TENM4: variants seen among roughly 807,000 people sequenced by gnomAD.
TENM4 encodes the protein teneurin-4.
In TENM4, 82 loss-of-function variants were observed where a neutral mutation model predicts 243.3. The ratio of observed to expected loss-of-function variants is 0.34; its 90% confidence interval spans 0.28 to 0.40. The LOEUF is 0.40. Among genes scored for constraint, TENM4 ranks in the 10% least tolerant of loss-of-function variants. TENM4 has a pLI of 1.00. For synonymous variants in TENM4, 1,412 were observed against 1,456.3 expected (o/e 0.97, Z 0.69); for missense variants, 3,138 against 3,673.3 (o/e 0.85, Z 3.77).
At chr11:79,284,106 T>G (rs926627479) in intron 2 of TENM4, among the ~76,000 whole-genome samples, 1 of 152,228 alleles carries the variant, frequency 6.6e-6, no homozygotes, top group African/African-American at 2.4e-5. Context: ...GGAGATTTAA[T>G]ATTGTTTGGA....
rs1451285954 is a variant in TENM4, at chr11:79,370,802, AAAAAAAAG to A, written c.-321+69699_-321+69706del. Reference sequence around the variant, plus strand: ...GGTAAAAAAAAAAAAAAAAAAAAAAAAAAAAAAGTGATAAATTTGGTAATCCCAGAATT... The same window carrying A: ...GGTAAAAAAAAAAAAAAAAAAAAAAATGATAAATTTGGTAATCCCAGAATT... On this transcript the variant is annotated intron_variant, in intron 1 of 33. Transcript: ENST00000278550. Among the ~76,000 whole-genome samples, 1,321 of 148,462 alleles carry A rather than the reference AAAAAAAAG, an allele frequency of 8.9e-3. 24 individuals are homozygous for A. Among genetic ancestry groups the A allele is most frequent in the African/African-American group, 0.031 (1,233 of 39,814 alleles).
chr11:79,377,210 T>C (rs1226243283), intron 1 of TENM4, among the ~76,000 whole-genome samples: 1 of 152,222 alleles, frequency 6.6e-6, no homozygotes, highest in Non-Finnish European at 1.5e-5. Context: ...AGCACAGCCC[T>C]GTTGAAAGCT....
At chr11:79,311,082 C>A (rs1436407967) in intron 1 of TENM4, among the ~76,000 whole-genome samples, 1 of 152,164 alleles carries the variant, frequency 6.6e-6, no homozygotes, top group Admixed American at 6.5e-5. Flanking sequence ...CAAGATGGGA[C>A]AAGACGGGTC....
At position 78,732,220 on chromosome 11, in the gene TENM4, A is replaced by G; in HGVS notation, c.3138+96T>C. On this transcript the variant is annotated intron_variant, in intron 21 of 33. Transcript: ENST00000278550. ...TGATGGGACCTGACCCAAGCCCTAC[A>G]GAGGTGTTTTTTCTCTTTCCACTGT... 2.0e-6 allele frequency: 3 copies of G among 1,489,732 alleles called. No homozygotes were observed. The South Asian group carries it at 4.2e-5, about 21-fold the overall frequency. 92.3% of individuals were successfully genotyped at this position (1,489,732 alleles called of 1,614,324 possible).
intron 6 of TENM4, among the ~76,000 whole-genome samples, chr11:79,015,936 A>G (rs1858763343): frequency 6.6e-6 from 1 of 152,160 alleles, no homozygotes; most frequent in Non-Finnish European, 1.5e-5. Flanking sequence ...GGACCTAAAG[A>G]TGTCAAAAGT....
chr11:79,164,078 C>A (rs1425958129), intron 3 of TENM4, among the ~76,000 whole-genome samples: 2 of 28,616 alleles, frequency 7.0e-5, no homozygotes, highest in East Asian at 1.9e-3. Flanking sequence ...TATATATACA[C>A]TATATATACT....
At chr11:79,192,032 G>A (rs1863516008) in intron 3 of TENM4, among the ~76,000 whole-genome samples, 1 of 149,440 alleles carries the variant, frequency 6.7e-6, no homozygotes, top group African/African-American at 2.5e-5. Context: ...GAAGTGAGGA[G>A]CCCCTCTGCC....
rs1008374340 is a variant in TENM4 at position 79,069,993 on chromosome 11, A to C, written c.-49T>G. 2 of 1,529,814 alleles carry C rather than the reference A, an allele frequency of 1.3e-6. No homozygotes were observed. The highest frequency in any genetic ancestry group is 2.3e-4 in the Middle Eastern group (1 of 4,342). The allele number at this position is 1,529,814 out of a possible 1,614,324, so 94.8% of individuals were successfully genotyped here. A position where few individuals can be genotyped will look rare whatever the true frequency, so the allele number is the denominator to read the frequency against. The stretch of plus-strand genomic sequence containing the variant: ...CATCCACAAACAGGGTCCTCGCCGC[A>C]CTCAGGGCCGAGTGGTCTAGAGCCA... On this transcript the variant is annotated 5_prime_UTR_variant, in exon 5 of 34. Transcript: ENST00000278550.
At chr11:78,879,727 G>A (rs187068201) in intron 9 of TENM4, among the ~76,000 whole-genome samples, 209 of 148,918 alleles carry the variant, frequency 1.4e-3, no homozygotes, top group African/African-American at 5.0e-3. Context: ...GCCTCTGCAC[G>A]GCCGCCACCC....
intron 4 of TENM4, among the ~76,000 whole-genome samples, chr11:79,120,131 T>A (rs1383805520): frequency 3.3e-5 from 5 of 151,952 alleles, no homozygotes; most frequent in African/African-American, 1.2e-4. Flanking sequence ...GGCATGGGAG[T>A]AGAAGAGGGA....
At chr11:78,961,782 AC>A (rs1429589915) in intron 6 of TENM4, among the ~76,000 whole-genome samples, 1 of 132,432 alleles carries the variant, frequency 7.6e-6, no homozygotes, top group Non-Finnish European at 1.6e-5. Flanking sequence ...CTATGTCTTA[AC>A]CTTTTTTTTT....
Position 79,161,992 on chromosome 11 carries a change from G to A in TENM4, c.-162-13186C>T, listed in dbSNP as rs140327240. On this transcript the variant is annotated intron_variant, in intron 3 of 33. Transcript: ENST00000278550. ...TAATCTGAGTGACAATGATTGGGTT[G>A]GTGGGTGTGGGAGAAGGAACCGGAC... 6.1e-3 allele frequency among the ~76,000 whole-genome samples: 927 copies of A among 152,308 alleles called. 10 individuals are homozygous for A. Among genetic ancestry groups the A allele is most frequent in the African/African-American group, 0.021 (865 of 41,560 alleles).
chr11:78,887,664 C>G (rs371471729), intron 9 of TENM4, among the ~76,000 whole-genome samples: 3 of 152,344 alleles, frequency 2.0e-5, no homozygotes, highest in South Asian at 4.1e-4. Context: ...GGTCCCTGAG[C>G]TCTATCTGTA....
At chr11:78,668,146 C>T (rs1245259467) in intron 32 of TENM4, among the ~76,000 whole-genome samples, 1 of 152,190 alleles carries the variant, frequency 6.6e-6, no homozygotes, top group African/African-American at 2.4e-5. Flanking sequence ...TTGCAACCAC[C>T]CTACCAGGTA....
chr11:79,186,316 G>C (rs535153939), intron 3 of TENM4, among the ~76,000 whole-genome samples: 78 of 152,246 alleles, frequency 5.1e-4, no homozygotes, highest in South Asian at 2.1e-3. Flanking sequence ...CCCGCCCTGA[G>C]CACTTCTTCC....
At chr11:79,082,854 C>T (rs1404297346) in intron 4 of TENM4, among the ~76,000 whole-genome samples, 1 of 152,192 alleles carries the variant, frequency 6.6e-6, no homozygotes, top group Non-Finnish European at 1.5e-5. Context: ...AAAACCCTAA[C>T]TGCCTGAAGC....
At chr11:78,715,685 A>G (rs1859505579) in intron 25 of TENM4, among the ~76,000 whole-genome samples, 1 of 152,234 alleles carries the variant, frequency 6.6e-6, no homozygotes, top group South Asian at 2.1e-4. Context: ...AGTCACCTAA[A>G]TAGTTCAAAT....
chr11:79,283,108 T>C (rs1856185596), intron 2 of TENM4, among the ~76,000 whole-genome samples: 1 of 151,966 alleles, frequency 6.6e-6, no homozygotes, highest in African/African-American at 2.4e-5. Context: ...AAATTCTTTA[T>C]AAAACTCTTA....
rs1201390547 is a variant in TENM4, at chr11:78,704,157, G to GTGTATATATATA, written c.4210-1755_4210-1754insTATATATATACA. 6.1e-3 allele frequency among the ~76,000 whole-genome samples: 427 copies of GTGTATATATATA among 70,488 alleles called. 6 individuals carry two copies. The highest frequency in any genetic ancestry group is 0.024 in the African/African-American group (406 of 16,652). The allele number at this position is 70,488 out of a possible 152,430, so 46.2% of individuals were successfully genotyped here. ...TGTATGTCTATGTGTATGTATGTGT[G>GTGTATATATATA]TCTATATATATATATATATATATAT... On this transcript the variant is annotated intron_variant, in intron 27 of 33. Coordinates refer to ENST00000278550, the MANE Select transcript of TENM4 (RefSeq NM_001098816.3).
Sources: allele counts gnomAD v4.1 joint callset (sites outside exome capture counted in the v4.1 genomes callset), GRCh38; gene constraint gnomAD v4.1.1; transcripts MANE v1.5; gene names NCBI Gene and HGNC (gene_info 2026-07-23, HGNC 2026-07-21).